TRMU: variants seen among roughly 807,000 people sequenced by gnomAD.
TRMU encodes tRNA mitochondrial 2-thiouridylase, also known as mitochondrial tRNA-specific 2-thiouridylase 1.
TRMU carries 49 observed loss-of-function variants against 46.9 expected under a neutral mutation model. The ratio of observed to expected loss-of-function variants is 1.05; its 90% CI spans 0.83 to 1.33. The LOEUF is 1.33. Ranked by LOEUF, TRMU falls within the 40% of genes most tolerant of loss-of-function variation. The pLI, the probability that TRMU is intolerant of heterozygous loss-of-function variation, is 0.00. For synonymous variants in TRMU, 241 were observed against 200.9 expected, an observed-to-expected ratio of 1.20 and a Z score of -1.69; for missense variants, 572 against 532.4, an observed-to-expected ratio of 1.07 and a Z score of -0.73.
In TRMU at chr22:46,339,056, C is replaced by T. The variant is rs1218937867; in HGVS notation, c.248+1112C>T. Among the ~76,000 whole-genome samples the T allele has an allele frequency of 6.6e-6, 1 of 151,966 alleles. No individual in the cohort carries two copies. The highest frequency in any genetic ancestry group is 2.4e-5 in the African/African-American group (1 of 41,228). Reference sequence around the variant, plus strand: ...TTTCTCATCTTTAAAATGAGGATAACACTGATGCCTCACAGGGTTATGAAA... The same window carrying T: ...TTTCTCATCTTTAAAATGAGGATAATACTGATGCCTCACAGGGTTATGAAA... On this transcript the variant is annotated intron_variant, in intron 2 of 10. Transcript: ENST00000645190. The surrounding 1 kb of genome is among the most constrained non-coding windows in gnomAD (Gnocchi z 4.8).
intron 1 of TRMU, among the ~76,000 whole-genome samples, chr22:46,337,036 A>G (rs2077996608): frequency 6.6e-6 from 1 of 152,212 alleles, no homozygotes; most frequent in Non-Finnish European, 1.5e-5. Flanking sequence ...ACTGTTAGGT[A>G]GACATTAGTC....
Position 46,357,037 on chromosome 22 carries a change from G to A in TRMU, c.*31G>A. 8 of 1,612,780 alleles carry A rather than the reference G, an allele frequency of 5.0e-6. No homozygotes were observed. Among genetic ancestry groups the A allele is most frequent in the Non-Finnish European group, 6.8e-6 (8 of 1,179,716 alleles). ...ATGGATCTGCTAGAAGGAACCTGGA[G>A]AGCAGGACCCATGGCTGGGCGGCTG... On this transcript the variant is annotated 3_prime_UTR_variant, in exon 11 of 11. Transcript: ENST00000645190.
At chr22:46,344,041 C>G (rs1404481675) in intron 3 of TRMU, among the ~76,000 whole-genome samples, 1 of 152,076 alleles carries the variant, frequency 6.6e-6, no homozygotes, top group Non-Finnish European at 1.5e-5. Context: ...AACAAAAAAT[C>G]AAAAAGAAAA....
In TRMU at chr22:46,357,174, CTCAGCT is replaced by C. The variant is rs2147125397; in HGVS notation, c.*169_*174del. On this transcript the variant is annotated 3_prime_UTR_variant, in exon 11 of 11. Coordinates refer to ENST00000645190, the MANE Select transcript of TRMU (RefSeq NM_018006.5). ...GGGCCCGGCGAGCCCCAGGAAGAGCCTCAGCTCCAGGCTGGGGCTCTGGCTGCTGGA... is the reference window on the plus strand; with the variant it reads ...GGGCCCGGCGAGCCCCAGGAAGAGCCCCAGGCTGGGGCTCTGGCTGCTGGA... The C allele has an allele frequency of 6.7e-6, 6 of 894,060 alleles. No individual in the cohort carries two copies. Among genetic ancestry groups the C allele is most frequent in the Non-Finnish European group, 1.0e-5 (6 of 575,838 alleles). 55.4% of individuals were successfully genotyped at this position (894,060 alleles called of 1,614,324 possible).
Position 46,346,493 on chromosome 22 carries a change from C to T in TRMU, c.427C>T (p.His143Tyr). ...LEDEEVFEQK[H>Y]VKKPEGLFRN... ...AGATGAAGAAGTCTTTGAGCAGAAG[C>T]ACGTTAAGAAGCCCGAAGGGCTTTT... Residue 143 changes from histidine (H) to tyrosine (Y), a missense_variant, in exon 4 of 11, where the codon CAC becomes TAC. His to Tyr is a moderately conservative substitution (Grantham distance 83). Transcript: ENST00000645190. The T allele has an allele frequency of 6.2e-7, 1 of 1,613,516 alleles. No homozygotes were observed. The highest frequency in any genetic ancestry group is 8.5e-7 in the Non-Finnish European group (1 of 1,179,572).
At position 46,349,402 on chromosome 22, in the gene TRMU, C is replaced by A. The variant is rs2078345942; in HGVS notation, c.479-889C>A. On this transcript the variant is annotated intron_variant, in intron 4 of 10. Transcript: ENST00000645190. The surrounding 1 kb of genome is among the most constrained non-coding windows in gnomAD (Gnocchi z 4.6). ...CTCTCACGGCTAACGTGGGAATCGG[C>A]AGATGGAAAACACTAGCTACGCAGA... Among the ~76,000 whole-genome samples the A allele has an allele frequency of 6.6e-6, 1 of 151,398 alleles. No individual in the cohort carries two copies. The highest frequency in any genetic ancestry group is 1.5e-5 in the Non-Finnish European group (1 of 68,032).
In TRMU at chr22:46,350,967, G is replaced by A. The variant is rs1277424091; in HGVS notation, c.651+504G>A. Among the ~76,000 whole-genome samples, 1 of 152,222 alleles carries A rather than the reference G, an allele frequency of 6.6e-6. No homozygotes were observed. Among genetic ancestry groups the A allele is most frequent in the Non-Finnish European group, 1.5e-5 (1 of 68,042 alleles). ...ATCTTCGCCTCCATGGAGCCCGCCC[G>A]CGAGTGGGGGACACAGGCAGGAGGC... On this transcript the variant is annotated intron_variant, in intron 5 of 10. Transcript: ENST00000645190. This position sits in a 1 kb window ranked among gnomAD's most constrained non-coding sequence, Gnocchi z 4.6.
Position 46,351,929 on chromosome 22 carries a change from C to G in TRMU, c.652-192C>G, listed in dbSNP as rs1035264515. ...CCGCGGGCCGAGACAATGAGGCGTTCTCTAAGGCTCTGGCATCGTGTGCGC... is the reference window on the plus strand; with the variant it reads ...CCGCGGGCCGAGACAATGAGGCGTTGTCTAAGGCTCTGGCATCGTGTGCGC... On this transcript the variant is annotated intron_variant, in intron 5 of 10. Coordinates refer to ENST00000645190, the MANE Select transcript of TRMU (RefSeq NM_018006.5). The surrounding 1 kb of genome is among the most constrained non-coding windows in gnomAD (Gnocchi z 6.4). 26 of 738,188 alleles carry G rather than the reference C, an allele frequency of 3.5e-5. No homozygotes were observed. The highest frequency in any genetic ancestry group is 6.4e-5 in the Non-Finnish European group (26 of 408,230). The allele number at this position is 738,188 out of a possible 1,614,324, so 45.7% of individuals were successfully genotyped here. A position where few individuals can be genotyped will look rare whatever the true frequency, so the allele number is the denominator to read the frequency against.
At chr22:46,353,579 A>ATGAT (rs939265744) in intron 7 of TRMU, 188 bp from the exon 8 acceptor site, 1 of 565,724 alleles carries the variant, frequency 1.8e-6, no homozygotes, top group African/African-American at 1.9e-5. Flanking sequence ...GGCCTGGACA[A>ATGAT]TGATGAGATG....
intron 8 of TRMU, chr22:46,355,221 G>A: frequency 1.5e-6 from 1 of 661,372 alleles, no homozygotes; most frequent in East Asian, 2.8e-5. Flanking sequence ...CTCTGACATG[G>A]TACTTCCTTC....
In TRMU at chr22:46,336,146, G is replaced by A; in HGVS notation, c.82+300G>A. 1 of 1,304,566 alleles carries A rather than the reference G, an allele frequency of 7.7e-7. No homozygotes were observed. 80.8% of individuals were successfully genotyped at this position (1,304,566 alleles called of 1,614,324 possible). On this transcript the variant is annotated intron_variant, in intron 1 of 10. Coordinates refer to ENST00000645190, the MANE Select transcript of TRMU (RefSeq NM_018006.5). The surrounding 1 kb of genome is among the most constrained non-coding windows in gnomAD (Gnocchi z 4.1). ...GGCCGGGGTGGGGTGGGGAGGGAAG[G>A]GTTTCTCACGGATCTGCGGCGTCCA...
At position 46,337,962 on chromosome 22, in the gene TRMU, C is replaced by T; in HGVS notation, c.248+18C>T. The stretch of plus-strand genomic sequence containing the variant: ...GTGTTCAGGTGAGTGCGGGTCACAG[C>T]ACAAAGGAAGCTTCCTCACACTGTG... On this transcript the variant is annotated intron_variant, in intron 2 of 10. Transcript: ENST00000645190. 1.2e-6 allele frequency: 2 copies of T among 1,614,004 alleles called. No individual in the cohort carries two copies. Among genetic ancestry groups the T allele is most frequent in the Non-Finnish European group, 1.7e-6 (2 of 1,179,926 alleles).
rs368744634 is a variant in TRMU at position 46,352,019 on chromosome 22, G to A, written c.652-102G>A. ...GGCCCCTACCCTGGAAGCAAAGTGT[G>A]GGGTGAGGCCGGGAGGCCCCAGGGC... On this transcript the variant is annotated intron_variant, in intron 5 of 10. Transcript: ENST00000645190. 7 of 1,325,202 alleles carry A rather than the reference G, an allele frequency of 5.3e-6. No homozygotes were observed. The East Asian group carries it at 1.1e-4, about 22-fold the overall frequency. 82.1% of individuals were successfully genotyped at this position (1,325,202 alleles called of 1,614,324 possible). A position where few individuals can be genotyped will look rare whatever the true frequency, so the allele number is the denominator to read the frequency against.
intron 2 of TRMU, among the ~76,000 whole-genome samples, chr22:46,341,892 G>A (rs749881293): frequency 1.3e-5 from 2 of 152,200 alleles, no homozygotes; most frequent in Non-Finnish European, 2.9e-5. Flanking sequence ...GCCCAGTGAC[G>A]CAGCATTCCA....
chr22:46,353,548 C>A, intron 7 of TRMU: 1 of 487,190 alleles, frequency 2.1e-6, no homozygotes, highest in South Asian at 1.9e-5. Context: ...TTTGTGGCCA[C>A]CACACCCCAT....
rs890816952 is a variant in TRMU, at chr22:46,351,925, C to T, written c.652-196C>T. The T allele has an allele frequency of 8.3e-6, 6 of 723,366 alleles. No homozygotes were observed. Among genetic ancestry groups the T allele is most frequent in the South Asian group, 3.0e-5 (2 of 67,530 alleles). The allele number at this position is 723,366 out of a possible 1,614,324, so 44.8% of individuals were successfully genotyped here. A position where few individuals can be genotyped will look rare whatever the true frequency, so the allele number is the denominator to read the frequency against. On this transcript the variant is annotated intron_variant, in intron 5 of 10. Coordinates refer to ENST00000645190, the MANE Select transcript of TRMU (RefSeq NM_018006.5). The surrounding 1 kb of genome is among the most constrained non-coding windows in gnomAD (Gnocchi z 6.4). ...GACCCCGCGGGCCGAGACAATGAGG[C>T]GTTCTCTAAGGCTCTGGCATCGTGT...
chr22:46,356,163 C>T (rs1347990207), intron 10 of TRMU, 91 bp downstream of exon 10: 5 of 1,462,576 alleles, frequency 3.4e-6, no homozygotes, highest in Non-Finnish European at 4.7e-6. Context: ...GGCTGAGGCC[C>T]AGGAGTAGGG....
chr22:46,345,262 G>A (rs1027791317), intron 3 of TRMU, among the ~76,000 whole-genome samples: 26 of 152,028 alleles, frequency 1.7e-4, no homozygotes, highest in African/African-American at 5.6e-4. Flanking sequence ...TTGTAGAGAC[G>A]GGGTTTCATC....
rs745773981 is a variant in TRMU, at chr22:46,339,714, C to G, written c.248+1770C>G. 1.3e-5 allele frequency among the ~76,000 whole-genome samples: 2 copies of G among 152,156 alleles called. No individual in the cohort carries two copies. The highest frequency in any genetic ancestry group is 4.1e-4 in the South Asian group (2 of 4,832). ...AATTTAGAGAGATTAAGTAAATTGA[C>G]TATGGTCACCTAAATAATCAACGGA... On this transcript the variant is annotated intron_variant, in intron 2 of 10. Transcript: ENST00000645190. The surrounding 1 kb of genome is among the most constrained non-coding windows in gnomAD (Gnocchi z 4.8).
Sources: gnomAD v4.1 joint callset for allele counts (sites outside exome capture counted in the v4.1 genomes callset) on GRCh38, gnomAD v4.1.1 for gene constraint, Gnocchi (gnomAD v3.1) non-coding constraint, MANE v1.5 for transcripts, NCBI Gene and HGNC (gene_info 2026-07-23, HGNC 2026-07-21) for gene names.